TBC1D5: variants seen among roughly 807,000 people sequenced by gnomAD.
TBC1D5 encodes the protein TBC1 domain family, member 5.
Under a neutral mutation model 100.3 loss-of-function variants are expected in TBC1D5, and 75 were observed. The observed-to-expected ratio is 0.75, with a 90% CI of 0.62 to 0.91. The LOEUF is 0.91. Among genes scored for constraint, TBC1D5 ranks in the 40% least tolerant of loss-of-function variants. The pLI is 0.00. For missense variants in TBC1D5, 910 were observed against 942.4 expected (o/e 0.97, Z 0.45); for synonymous variants, 323 against 325.6 (o/e 0.99, Z 0.09).
chr3:17,659,347 A>G (rs1332695130), intron 1 of TBC1D5, among the ~76,000 whole-genome samples: 4 of 152,126 alleles, frequency 2.6e-5, no homozygotes, highest in South Asian at 2.1e-4. Context: ...CAAATGATAA[A>G]TAAGATCTAA....
chr3:17,610,565 A>G (rs1047426271), intron 2 of TBC1D5, among the ~76,000 whole-genome samples: 2 of 152,124 alleles, frequency 1.3e-5, no homozygotes, highest in African/African-American at 4.8e-5. Flanking sequence ...CGACCACCCA[A>G]ATTCCTTATT....
chr3:17,276,206 C>T (rs757326442), intron 15 of TBC1D5, among the ~76,000 whole-genome samples: 5 of 152,152 alleles, frequency 3.3e-5, no homozygotes, highest in Admixed American at 3.3e-4. Flanking sequence ...TGTTTCCTTA[C>T]GTGGTGGAAG....
chr3:17,618,691 C>T (rs554114891), intron 2 of TBC1D5, among the ~76,000 whole-genome samples: 3 of 152,242 alleles, frequency 2.0e-5, no homozygotes, highest in Admixed American at 1.3e-4. Flanking sequence ...GCTCCATGGG[C>T]ATGGGACCTG....
intron 3 of TBC1D5, among the ~76,000 whole-genome samples, chr3:17,480,545 T>C (rs2095490243): frequency 6.6e-6 from 1 of 152,226 alleles, no homozygotes; most frequent in South Asian, 2.1e-4. Flanking sequence ...ACCTTGGGTC[T>C]CCTCAATTCA....
At chr3:17,263,718 G>A (rs1477915806) in intron 15 of TBC1D5, among the ~76,000 whole-genome samples, 6 of 152,184 alleles carry the variant, frequency 3.9e-5, no homozygotes. Flanking sequence ...TACAGAAGCA[G>A]AACTGACAGT....
intron 15 of TBC1D5, among the ~76,000 whole-genome samples, chr3:17,289,313 G>T (rs559035935): frequency 3.9e-5 from 6 of 152,242 alleles, no homozygotes; most frequent in Admixed American, 3.3e-4. Flanking sequence ...AGTGGATGTA[G>T]TGCCTCCTGC....
rs536853815 is a variant in TBC1D5, at chr3:17,514,481, T to C, written c.-35-5876A>G. On this transcript the variant is annotated intron_variant, in intron 2 of 21. Transcript: ENST00000253692. ...AATAAGGGTCAACATATAAGAACAA[T>C]GATCAAAAGAAAATCAAAACAGACT... Among the ~76,000 whole-genome samples the C allele has an allele frequency of 1.6e-3, 239 of 152,222 alleles. 1 individual carries two copies. Among genetic ancestry groups the C allele is most frequent in the Non-Finnish European group, 2.4e-3 (164 of 67,980 alleles).
At chr3:17,462,329 T>TTTTA (rs1191832440) in intron 3 of TBC1D5, among the ~76,000 whole-genome samples, 2 of 150,578 alleles carry the variant, frequency 1.3e-5, no homozygotes, top group African/African-American at 4.9e-5. Flanking sequence ...TTAATTTTTT[T>TTTTA]TTTTTTTTTT....
chr3:17,680,350 G>A (rs941033589), intron 1 of TBC1D5, among the ~76,000 whole-genome samples: 2 of 150,366 alleles, frequency 1.3e-5, no homozygotes, highest in African/African-American at 2.5e-5. Flanking sequence ...TCCCTCCTCA[G>A]CATGGGACCA....
chr3:17,618,447 G>C (rs1272710042), intron 2 of TBC1D5, among the ~76,000 whole-genome samples: 1 of 152,206 alleles, frequency 6.6e-6, no homozygotes, highest in African/African-American at 2.4e-5. Flanking sequence ...TGTTAGACAG[G>C]GACGTTTAAG....
At chr3:17,721,790 G>C (rs983228387) in intron 1 of TBC1D5, among the ~76,000 whole-genome samples, 1 of 152,056 alleles carries the variant, frequency 6.6e-6, no homozygotes, top group Non-Finnish European at 1.5e-5. Context: ...AGACCAGCCT[G>C]GGCAACATGG....
At chr3:17,741,800 ATTTTTTTTTT>A (rs779385615), upstream of TBC1D5, among the ~76,000 whole-genome samples, 4 of 47,956 alleles carry the variant, frequency 8.3e-5, no homozygotes, top group African/African-American at 1.9e-4. Flanking sequence ...CTCCCTGCGA[ATTTTTTTTTT>A]TTTTTTTTTT....
chr3:17,673,715 T>C lies in TBC1D5; in HGVS notation c.-100-49802A>G, dbSNP rs139808896. Among the ~76,000 whole-genome samples the C allele has an allele frequency of 1.1e-3, 164 of 152,256 alleles. 1 individual carries two copies. The highest frequency in any genetic ancestry group is 9.2e-3 in the Admixed American group (140 of 15,284). On this transcript the variant is annotated intron_variant, in intron 1 of 21. Coordinates refer to ENST00000253692, the Ensembl canonical transcript of TBC1D5. Reference sequence around the variant, plus strand: ...AATATTCTTACCTGAAACGTGAAGGTCTATCTTCTTTAAAATCACTGGTTT... The same window carrying C: ...AATATTCTTACCTGAAACGTGAAGGCCTATCTTCTTTAAAATCACTGGTTT...
rs1215638350 is a variant in TBC1D5, at chr3:17,705,428, G to A, written c.-101+33915C>T. On this transcript the variant is annotated intron_variant, in intron 1 of 21. Coordinates refer to ENST00000253692, the Ensembl canonical transcript of TBC1D5. ...TTCCCAGATGGGGTGGCTGCCGGGC[G>A]GAGAGGCTCCTCACTTCTCAGACGG... is the stretch of plus-strand genomic sequence containing the variant. Among the ~76,000 whole-genome samples the A allele has an allele frequency of 1.6e-3, 237 of 145,774 alleles. 2 individuals are homozygous for A. Among genetic ancestry groups the A allele is most frequent in the Middle Eastern group, 7.3e-3 (2 of 274 alleles).
intron 1 of TBC1D5, among the ~76,000 whole-genome samples, chr3:17,722,992 A>G (rs1222590120): frequency 6.6e-6 from 1 of 152,212 alleles, no homozygotes; most frequent in Non-Finnish European, 1.5e-5. Flanking sequence ...TTTGCATTTT[A>G]CCATTTCAAA....
Position 17,367,667 on chromosome 3 carries a change from T to A in TBC1D5, c.995+4408A>T, listed in dbSNP as rs551528536. 5.9e-5 allele frequency among the ~76,000 whole-genome samples: 9 copies of A among 152,226 alleles called. No homozygotes were observed. The East Asian group carries it at 1.5e-3, about 26-fold the overall frequency. ...CAAGGTCAGGAGTTTGAGACCTGCCTATCCAATGTGGTGAAACCCCATCTC... is the reference window on the plus strand; with the variant it reads ...CAAGGTCAGGAGTTTGAGACCTGCCAATCCAATGTGGTGAAACCCCATCTC... On this transcript the variant is annotated intron_variant, in intron 13 of 21. Transcript: ENST00000253692.
intron 3 of TBC1D5, among the ~76,000 whole-genome samples, chr3:17,460,593 T>C (rs1263991987): frequency 1.3e-5 from 2 of 152,302 alleles, no homozygotes; most frequent in East Asian, 3.9e-4. Context: ...TTATGTTATC[T>C]ATTTTACACA....
At chr3:17,481,757 C>A (rs564120039) in intron 3 of TBC1D5, among the ~76,000 whole-genome samples, 2 of 151,900 alleles carry the variant, frequency 1.3e-5, no homozygotes, top group Admixed American at 6.6e-5. Context: ...TTTTTTGAGA[C>A]GGAGTCTCGC....
At chr3:17,513,157 C>T (rs537238316) in intron 2 of TBC1D5, among the ~76,000 whole-genome samples, 4 of 152,128 alleles carry the variant, frequency 2.6e-5, no homozygotes, top group Non-Finnish European at 5.9e-5. Context: ...TATGGTGAAA[C>T]TCCATCTCAA....
Sources: gnomAD v4.1 joint callset for allele counts (sites outside exome capture counted in the v4.1 genomes callset) on GRCh38, gnomAD v4.1.1 for gene constraint, MANE v1.5 for transcripts, NCBI Gene and HGNC (gene_info 2026-07-23, HGNC 2026-07-21) for gene names.